The following CFAP73 variants were observed in gnomAD, a reference collection of about 807,000 sequenced individuals.
CFAP73 encodes the protein cilia- and flagella-associated protein 73.
A neutral mutation model predicts 42.9 loss-of-function variants in CFAP73; 33 were observed. The ratio of observed to expected loss-of-function variants is 0.77; its 90% CI spans 0.58 to 1.03. The LOEUF is 1.03. Among genes scored for constraint, CFAP73 ranks in the 50% least tolerant of loss-of-function variants. The pLI is 0.00. For missense variants in CFAP73, 392 were observed against 411.9 expected (o/e 0.95, Z 0.42); for synonymous variants, 162 against 186.8 (o/e 0.87, Z 1.08).
At position 113,158,776 on chromosome 12, in the gene CFAP73, C is replaced by T; in HGVS notation, c.*87C>T. 7.7e-7 allele frequency: 1 copy of T among 1,304,988 alleles called. No individual in the cohort carries two copies. The highest frequency in any genetic ancestry group is 1.5e-5 in the African/African-American group (1 of 67,466). The allele number at this position is 1,304,988 out of a possible 1,614,324, so 80.8% of individuals were successfully genotyped here. A position where few individuals can be genotyped will look rare whatever the true frequency, so the allele number is the denominator to read the frequency against. On this transcript the variant is annotated 3_prime_UTR_variant, in exon 8 of 8. Coordinates refer to ENST00000335621, the MANE Select transcript of CFAP73 (RefSeq NM_001144872.3). This position sits in a 1 kb window ranked among gnomAD's most constrained non-coding sequence, Gnocchi z 4.9. The stretch of plus-strand genomic sequence containing the variant: ...ATGATGGCTCCTGCAGGGAGTGCCC[C>T]CAGTGCCCAGCACAGGGCCAGGCAC...
chr12:113,154,528 C>T lies in CFAP73; in HGVS notation c.583C>T (p.Leu195=), dbSNP rs1321575556. 1.3e-6 allele frequency: 2 copies of T among 1,500,098 alleles called. No individual in the cohort carries two copies. The highest frequency in any genetic ancestry group is 1.8e-6 in the Non-Finnish European group (2 of 1,131,420). The allele number at this position is 1,500,098 out of a possible 1,614,324, so 92.9% of individuals were successfully genotyped here. Residue 195 remains leucine (L), a synonymous_variant, in exon 5 of 8, where the codon CTG becomes TTG. Transcript: ENST00000335621. This position sits in a 1 kb window ranked among gnomAD's most constrained non-coding sequence, Gnocchi z 4.7. ...GGAGCTGGAGGCGGCGCGAGCGCGGCTGCAGCAGCTGCGGGACGCCTGGCC... is the reference window on the plus strand; with the variant it reads ...GGAGCTGGAGGCGGCGCGAGCGCGGTTGCAGCAGCTGCGGGACGCCTGGCC... The part of the protein sequence containing the change: ...LAELEAARAR[L]QQLRDAWPDE...
Position 113,157,689 on chromosome 12 carries a change from A to G in CFAP73, c.*10A>G. 6.4e-7 allele frequency: 1 copy of G among 1,550,796 alleles called. No individual in the cohort carries two copies. The highest frequency in any genetic ancestry group is 1.2e-5 in the South Asian group (1 of 84,060). On this transcript the variant is annotated splice_region_variant and 3_prime_UTR_variant, in exon 7 of 8. Coordinates refer to ENST00000335621, the MANE Select transcript of CFAP73 (RefSeq NM_001144872.3). ...AGCCCCTGCCTCCTAGCCCTGACAC[A>G]GGTGAGCAGCGGGAGAGGGAACCCC...
chr12:113,155,409 G>A lies in CFAP73; in HGVS notation c.840G>A (p.Gln280=). ...PTLDIEDTEG[Q]LEHVKLFMQD... ...TGGACATCGAGGACACGGAGGGACA[G>A]CTAGAGCACGTGAGGACCCCTCTTT... Residue 280 remains glutamine (Q), a synonymous_variant, in exon 6 of 8, where the codon CAG becomes CAA. Coordinates refer to ENST00000335621, the MANE Select transcript of CFAP73 (RefSeq NM_001144872.3). 6.5e-7 allele frequency: 1 copy of A among 1,548,848 alleles called. No individual in the cohort carries two copies. The highest frequency in any genetic ancestry group is 8.7e-7 in the Non-Finnish European group (1 of 1,145,050).
At chr12:113,157,875 G>A in intron 7 of CFAP73, 185 bp downstream of exon 7, 2 of 599,550 alleles carry the variant, frequency 3.3e-6, no homozygotes, top group Non-Finnish European at 3.0e-6. Context: ...CATAAATGCA[G>A]GCCCTGATGA....
Position 113,153,249 on chromosome 12 carries a change from G to A in CFAP73, c.309G>A (p.Ala103=). 6.6e-7 allele frequency: 1 copy of A among 1,521,026 alleles called. No individual in the cohort carries two copies. The highest frequency in any genetic ancestry group is 2.1e-5 in the Admixed American group (1 of 48,522). The allele number at this position is 1,521,026 out of a possible 1,614,324, so 94.2% of individuals were successfully genotyped here. ...GCAATCGCGCGCTGCGGAGGGCGGC[G>A]GAGGAGAGGCACCAGGCGGGCCGTC... ...ARRNRALRRA[A]EERHQAGRRE... Residue 103 remains alanine, a synonymous_variant, in exon 4 of 8, where the codon GCG becomes GCA. Coordinates refer to ENST00000335621, the MANE Select transcript of CFAP73 (RefSeq NM_001144872.3).
At chr12:113,152,282 A>G (rs1320595598) in intron 2 of CFAP73, among the ~76,000 whole-genome samples, 2 of 152,226 alleles carry the variant, frequency 1.3e-5, no homozygotes, top group Admixed American at 6.5e-5. Flanking sequence ...AGAGAGGAAA[A>G]CAGATAAGTG....
At chr12:113,151,406 TG>T (rs1228421153) in intron 1 of CFAP73, among the ~76,000 whole-genome samples, 1 of 151,994 alleles carries the variant, frequency 6.6e-6, no homozygotes, top group African/African-American at 2.4e-5. Context: ...TGCTTGAACC[TG>T]GAAGGCGGGA....
intron 1 of CFAP73, 60 bp from the exon 2 acceptor site, chr12:113,151,858 G>T: frequency 8.4e-7 from 1 of 1,186,996 alleles, no homozygotes; most frequent in South Asian, 1.3e-5. Context: ...ACACAGTGGT[G>T]AGATGTGGGG....
Position 113,159,135 on chromosome 12 carries a change from T to C in CFAP73, c.*446T>C, listed in dbSNP as rs1409944118. The C allele has an allele frequency of 6.4e-7, 1 of 1,563,402 alleles. No homozygotes were observed. Among genetic ancestry groups the C allele is most frequent in the Non-Finnish European group, 8.6e-7 (1 of 1,156,194 alleles). On this transcript the variant is annotated 3_prime_UTR_variant, in exon 8 of 8. Transcript: ENST00000335621. Reference sequence around the variant, plus strand: ...CTGCTGGGACAGGGATTCAGGGAGCTCAGCTGTTGGGATCACTCCCAAGAT... The same window carrying C: ...CTGCTGGGACAGGGATTCAGGGAGCCCAGCTGTTGGGATCACTCCCAAGAT...
intron 5 of CFAP73, among the ~76,000 whole-genome samples, chr12:113,155,039 G>A (rs976996953): frequency 1.2e-4 from 18 of 152,256 alleles, no homozygotes; most frequent in Admixed American, 2.6e-4. Context: ...GTCCACTGGC[G>A]GGCGCCTGTA....
rs1952094236 is a variant in CFAP73, at chr12:113,154,232, C to T, written c.469-182C>T. Among the ~76,000 whole-genome samples, 4 of 152,174 alleles carry T rather than the reference C, an allele frequency of 2.6e-5. No individual in the cohort carries two copies. The highest frequency in any genetic ancestry group is 9.6e-5 in the African/African-American group (4 of 41,452). ...GTTCAAGATGACAGTGAGCTATGATCGCGCCACTGCACTCCAGCCCAGGTG... is the reference window on the plus strand; with the variant it reads ...GTTCAAGATGACAGTGAGCTATGATTGCGCCACTGCACTCCAGCCCAGGTG... On this transcript the variant is annotated intron_variant, in intron 4 of 7. Coordinates refer to ENST00000335621, the MANE Select transcript of CFAP73 (RefSeq NM_001144872.3). The surrounding 1 kb of genome is among the most constrained non-coding windows in gnomAD (Gnocchi z 4.7).
intron 1 of CFAP73, 26 bp downstream of exon 1, chr12:113,149,939 G>A (rs926346804): frequency 1.9e-6 from 3 of 1,549,856 alleles, no homozygotes; most frequent in African/African-American, 2.7e-5. Context: ...AGGGAGGGAG[G>A]GCTAGAAGGA....
rs199729083 is a variant in CFAP73 at position 113,155,175 on chromosome 12, GAA to G, written c.691-73_691-72del. 0.02 allele frequency: 21,030 copies of G among 1,062,560 alleles called. 585 individuals carry two copies. The East Asian group carries it at 0.22, about 11-fold the overall frequency. 65.8% of individuals were successfully genotyped at this position (1,062,560 alleles called of 1,614,324 possible). On this transcript the variant is annotated intron_variant, in intron 5 of 7. Coordinates refer to ENST00000335621, the MANE Select transcript of CFAP73 (RefSeq NM_001144872.3). ...ACAAAGCTAGACTCCATCTCAAAAAGAAAAAAAAAAAAAGTGGCTGGGAAGAG... is the reference window on the plus strand; with the variant it reads ...ACAAAGCTAGACTCCATCTCAAAAAGAAAAAAAAAAAGTGGCTGGGAAGAG...
chr12:113,159,060 C>T lies in CFAP73; in HGVS notation c.*371C>T, dbSNP rs768555932. On this transcript the variant is annotated 3_prime_UTR_variant, in exon 8 of 8. Coordinates refer to ENST00000335621, the MANE Select transcript of CFAP73 (RefSeq NM_001144872.3). ...GGATCTGCTGCTTGGTCTTGAGTTC[C>T]GGGCGGACTCGGCCTGCAGGGGTGC... 16 of 1,609,028 alleles carry T rather than the reference C, an allele frequency of 9.9e-6. No homozygotes were observed. The highest frequency in any genetic ancestry group is 5.0e-5 in the Admixed American group (3 of 59,744).
In CFAP73 at chr12:113,158,667, C is replaced by T; in HGVS notation, c.*12-34C>T. 1 of 574,220 alleles carries T rather than the reference C, an allele frequency of 1.7e-6. No homozygotes were observed. The highest frequency in any genetic ancestry group is 2.9e-6 in the Non-Finnish European group (1 of 346,302). 35.6% of individuals were successfully genotyped at this position (574,220 alleles called of 1,614,324 possible). A position where few individuals can be genotyped will look rare whatever the true frequency, so the allele number is the denominator to read the frequency against. On this transcript the variant is annotated intron_variant, in intron 7 of 7. Transcript: ENST00000335621. The surrounding 1 kb of genome is among the most constrained non-coding windows in gnomAD (Gnocchi z 4.9). ...GCTTTGCTGGCGAACTCCTGCACAC[C>T]CTTCAAGGCCCTGTTCAAATGTCTC...
At chr12:113,157,550 G>A (rs1952144674) in intron 6 of CFAP73, 52 bp from the exon 7 acceptor site, 1 of 1,487,256 alleles carries the variant, frequency 6.7e-7, no homozygotes, top group Non-Finnish European at 9.2e-7. Context: ...AGGGGTGGGG[G>A]CTGGACAGTG....
intron 2 of CFAP73, 63 bp from the exon 3 acceptor site, chr12:113,152,720 C>A: frequency 8.4e-7 from 1 of 1,192,278 alleles, no homozygotes; most frequent in Non-Finnish European, 1.2e-6. Flanking sequence ...TAGGTGTGAA[C>A]CTGACAGCAT....
At chr12:113,151,864 T>C in intron 1 of CFAP73, 54 bp from the exon 2 acceptor site, 1 of 1,265,620 alleles carries the variant, frequency 7.9e-7, no homozygotes, top group South Asian at 1.3e-5. Flanking sequence ...TGGTGAGATG[T>C]GGGGCCCTGA....
At chr12:113,156,045 C>A (rs1416240496) in intron 6 of CFAP73, among the ~76,000 whole-genome samples, 8 of 151,654 alleles carry the variant, frequency 5.3e-5, no homozygotes, top group Admixed American at 2.0e-4. Context: ...CTCAGCCTCT[C>A]GAGTAGTTGG....
Sources: gnomAD v4.1 joint callset for allele counts (sites outside exome capture counted in the v4.1 genomes callset) on GRCh38, gnomAD v4.1.1 for gene constraint, Gnocchi (gnomAD v3.1) non-coding constraint, MANE v1.5 for transcripts, NCBI Gene and HGNC (gene_info 2026-07-23, HGNC 2026-07-21) for gene names.